RANBP17: variants seen among roughly 807,000 people sequenced by gnomAD.
RANBP17 encodes ran-binding protein 17.
A neutral mutation model predicts 141.2 loss-of-function variants in RANBP17; 158 were observed. That is an observed-to-expected ratio of 1.12 (90% CI 0.98 to 1.28). RANBP17 has a LOEUF of 1.28. RANBP17 is among the 50% of genes most tolerant of loss of function. RANBP17 has a pLI of 0.00. For synonymous variants in RANBP17, 430 were observed against 450.0 expected (o/e 0.96, Z 0.56); for missense variants, 1,438 against 1,290.7 (o/e 1.11, Z -1.75).
intron 5 of RANBP17, among the ~76,000 whole-genome samples, chr5:170,901,987 C>T (rs938931465): frequency 2.0e-5 from 3 of 152,086 alleles, no homozygotes; most frequent in African/African-American, 4.8e-5. Context: ...GTGAATCTGA[C>T]GATTATGTGT....
At chr5:171,067,586 G>A (rs1030395182) in intron 14 of RANBP17, among the ~76,000 whole-genome samples, 2 of 151,842 alleles carry the variant, frequency 1.3e-5, no homozygotes, top group Admixed American at 6.6e-5. Flanking sequence ...GGCTTCTTTA[G>A]CTTCTTAAAA....
At chr5:171,094,432 C>T (rs998525444) in intron 14 of RANBP17, among the ~76,000 whole-genome samples, 3 of 152,126 alleles carry the variant, frequency 2.0e-5, no homozygotes, top group Admixed American at 1.3e-4. Flanking sequence ...TTTGAAAATG[C>T]TCCTATAAAT....
chr5:171,082,086 T>G (rs972064835), intron 14 of RANBP17, among the ~76,000 whole-genome samples: 1 of 152,028 alleles, frequency 6.6e-6, no homozygotes, highest in Non-Finnish European at 1.5e-5. Context: ...TTTCTAAATG[T>G]TCTTCTTCCT....
At chr5:171,000,986 T>C (rs1779164899) in intron 14 of RANBP17, among the ~76,000 whole-genome samples, 1 of 152,210 alleles carries the variant, frequency 6.6e-6, no homozygotes, top group African/African-American at 2.4e-5. Flanking sequence ...CGGATGTATA[T>C]GTGCAGGTCA....
At chr5:170,975,634 A>G (rs1777311366) in intron 14 of RANBP17, among the ~76,000 whole-genome samples, 1 of 152,206 alleles carries the variant, frequency 6.6e-6, no homozygotes, top group African/African-American at 2.4e-5. Flanking sequence ...GTTCTTTGCC[A>G]CTTTTATAAG....
At chr5:171,183,059 ATT>A in intron 16 of RANBP17, 106 bp from the exon 17 acceptor site, 1 of 622,358 alleles carries the variant, frequency 1.6e-6, no homozygotes, top group African/African-American at 1.9e-5. Context: ...TAGAAATTAT[ATT>A]TTTTTATAAG....
At chr5:171,238,559 A>G (rs565087298) in intron 22 of RANBP17, among the ~76,000 whole-genome samples, 38 of 152,154 alleles carry the variant, frequency 2.5e-4, no homozygotes, top group Non-Finnish European at 4.6e-4. Context: ...TGGCCTTCCC[A>G]ACAAACACAA....
intron 18 of RANBP17, among the ~76,000 whole-genome samples, chr5:171,192,645 C>T (rs1761726097): frequency 1.3e-5 from 2 of 152,156 alleles, no homozygotes; most frequent in Admixed American, 1.3e-4. Context: ...CAATTCCTAT[C>T]ACAAAGCAAG....
chr5:171,224,617 A>T (rs1256632936), intron 22 of RANBP17, among the ~76,000 whole-genome samples: 1 of 152,230 alleles, frequency 6.6e-6, no homozygotes, highest in Admixed American at 6.5e-5. Flanking sequence ...TGTGAGGATT[A>T]TGTCGGAGGA....
chr5:171,296,559 GTGCATATAACAAAATAT>G (rs1256201075), intron 27 of RANBP17, among the ~76,000 whole-genome samples: 3 of 152,220 alleles, frequency 2.0e-5, no homozygotes, highest in Non-Finnish European at 4.4e-5. Context: ...TACACATTCT[GTGCATATAACAAAATAT>G]TGCATGTACC....
rs184854012 is a variant in RANBP17 at position 171,298,844 on chromosome 5, G to A, written c.3253G>A (p.Asp1085Asn). The change falls in exon 28 of 28, where the codon GAC becomes AAC. Residue 1085 changes from aspartate (D) to asparagine (N), a missense_variant. Coordinates refer to ENST00000523189, the MANE Select transcript of RANBP17 (RefSeq NM_022897.5). ...TGGCAACACTGAACCATGCAGTCTCGACATGATGAGCTGACCCGACTTTTC... is the reference window on the plus strand; with the variant it reads ...TGGCAACACTGAACCATGCAGTCTCAACATGATGAGCTGACCCGACTTTTC... The part of the protein sequence containing the change: ...SDGNTEPCSL[D>N]MMS The A allele has an allele frequency of 9.3e-6, 15 of 1,613,922 alleles. No homozygotes were observed. The East Asian group carries it at 1.3e-4, about 14-fold the overall frequency.
At chr5:170,915,393 C>T (rs1399113337) in intron 8 of RANBP17, among the ~76,000 whole-genome samples, 2 of 152,218 alleles carry the variant, frequency 1.3e-5, no homozygotes, top group East Asian at 3.9e-4. Flanking sequence ...TGACTTCCCC[C>T]AGGGCAACAA....
At position 170,966,436 on chromosome 5, in the gene RANBP17, C is replaced by T. The variant is rs1195341079; in HGVS notation, c.1575-1806C>T. 2.0e-5 allele frequency among the ~76,000 whole-genome samples: 3 copies of T among 152,200 alleles called. No homozygotes were observed. In the East Asian group the frequency reaches 5.8e-4, roughly 29 times the overall value. On this transcript the variant is annotated intron_variant, in intron 13 of 27. Transcript: ENST00000523189. ...TCCAGCATATAAACAGAACCAAAGA[C>T]AAAAACCACATGATTATCTCAATAG...
intron 14 of RANBP17, among the ~76,000 whole-genome samples, chr5:171,096,856 AG>A (rs1238428929): frequency 6.6e-6 from 1 of 152,152 alleles, no homozygotes; most frequent in Non-Finnish European, 1.5e-5. Flanking sequence ...TCTGTGAAGA[AG>A]GGGTGGAGGG....
At chr5:171,166,283 G>T (rs1335247622) in intron 14 of RANBP17, among the ~76,000 whole-genome samples, 1 of 152,078 alleles carries the variant, frequency 6.6e-6, no homozygotes, top group African/African-American at 2.4e-5. Context: ...CAGTGTCATT[G>T]TATTGGCCAT....
At chr5:171,269,674 A>G (rs1347523143) in intron 25 of RANBP17, among the ~76,000 whole-genome samples, 1 of 152,228 alleles carries the variant, frequency 6.6e-6, no homozygotes, top group East Asian at 1.9e-4. Flanking sequence ...ACTCAGATGA[A>G]AAGTGAGCCA....
chr5:171,182,886 C>T (rs1427640915), intron 16 of RANBP17, among the ~76,000 whole-genome samples: 1 of 152,020 alleles, frequency 6.6e-6, no homozygotes, highest in Non-Finnish European at 1.5e-5. Flanking sequence ...TTTAATTTTC[C>T]ACTATCAAGA....
In RANBP17 at chr5:170,904,075, G is replaced by C. The variant is rs75694131; in HGVS notation, c.490-5586G>C. On this transcript the variant is annotated intron_variant, in intron 5 of 27. Coordinates refer to ENST00000523189, the MANE Select transcript of RANBP17 (RefSeq NM_022897.5). The stretch of plus-strand genomic sequence containing the variant: ...CCTAAACATAGTCTTTACCTCACCT[G>C]TGTGCTCATGGTTAGAGGAAATGTA... The C allele has an allele frequency of 3.7e-3, 1,663 of 444,722 alleles. 29 individuals carry two copies. The highest frequency in any genetic ancestry group is 0.032 in the African/African-American group (1,545 of 48,926). 27.5% of individuals were successfully genotyped at this position (444,722 alleles called of 1,614,324 possible).
intron 1 of RANBP17, among the ~76,000 whole-genome samples, chr5:170,875,069 T>C (rs552311517): frequency 6.6e-6 from 1 of 152,308 alleles, no homozygotes; most frequent in Admixed American, 6.5e-5. Context: ...ATGGATTTTA[T>C]TTCTCCTTCT....
Sources: gnomAD v4.1 joint callset for allele counts (sites outside exome capture counted in the v4.1 genomes callset) on GRCh38, gnomAD v4.1.1 for gene constraint, MANE v1.5 for transcripts, NCBI Gene and HGNC (gene_info 2026-07-23, HGNC 2026-07-21) for gene names.